The following RNF17 variants were observed in gnomAD, a reference collection of about 807,000 sequenced individuals.
The protein encoded by RNF17 is spermatogenesis associated 23.
A neutral mutation model predicts 200.5 loss-of-function variants in RNF17; 31 were observed. That is an observed-to-expected ratio of 0.15 (90% CI 0.12 to 0.21). The LOEUF (loss-of-function observed/expected upper bound fraction) is 0.21, where lower values mean the gene tolerates loss of function less well. Ranked by LOEUF, RNF17 falls within the 10% of genes least tolerant of loss-of-function variation. RNF17 has a pLI of 1.00. For missense variants in RNF17, 1,628 were observed against 1,905.1 expected, an observed-to-expected ratio of 0.85 and a Z score of 2.71; for synonymous variants, 606 against 637.8, an observed-to-expected ratio of 0.95 and a Z score of 0.75.
At chr13:24,789,811 T>C (rs781215818) in intron 9 of RNF17, 39 bp downstream of exon 9, 1 of 1,101,316 alleles carries the variant, frequency 9.1e-7, no homozygotes, top group Non-Finnish European at 1.4e-6. Context: ...CATTAGTGTC[T>C]GACAGTACTT....
At chr13:24,873,671 C>A (rs1001221019) in intron 32 of RNF17, among the ~76,000 whole-genome samples, 1 of 152,112 alleles carries the variant, frequency 6.6e-6, no homozygotes, top group African/African-American at 2.4e-5. Context: ...ATGTTTGTAC[C>A]TATCAACCAA....
rs1307353957 is a variant in RNF17 at position 24,766,496 on chromosome 13, G to A, written c.131-776G>A. Among the ~76,000 whole-genome samples, 10 of 152,352 alleles carry A rather than the reference G, an allele frequency of 6.6e-5. No homozygotes were observed. The East Asian group carries it at 1.9e-3, about 29-fold the overall frequency. ...TAAGTTTGTGAAAATGTGAGTTGTAGATATGTGATAATAGTAGCATCTGGC... is the reference window on the plus strand; with the variant it reads ...TAAGTTTGTGAAAATGTGAGTTGTAAATATGTGATAATAGTAGCATCTGGC... On this transcript the variant is annotated intron_variant, in intron 1 of 35. Coordinates refer to ENST00000255324, the MANE Select transcript of RNF17 (RefSeq NM_031277.3).
At chr13:24,875,037 T>A (rs1241254527) in intron 33 of RNF17, among the ~76,000 whole-genome samples, 4 of 152,206 alleles carry the variant, frequency 2.6e-5, no homozygotes, top group Non-Finnish European at 4.4e-5. Context: ...TAAGGCTGAA[T>A]AATATTCCTT....
At chr13:24,825,548 C>T in intron 15 of RNF17, 71 bp from the exon 16 acceptor site, 1 of 937,930 alleles carries the variant, frequency 1.1e-6, no homozygotes, top group Non-Finnish European at 1.6e-6. Context: ...AATGACAGTG[C>T]TTGTAATTCA....
In RNF17 at chr13:24,844,773, A is replaced by C. The variant is rs189776032; in HGVS notation, c.2953A>C (p.Ile985Leu). Residue 985 changes from isoleucine (I) to leucine (L), a missense_variant, in exon 21 of 36, where the codon ATC becomes CTC. Ile to Leu is a conservative substitution (Grantham distance 5). Around this residue, in one of 5 missense-constraint regions of RNF17, gnomAD observed 227 missense variants for 319.8 expected, o/e 0.71. Coordinates refer to ENST00000255324, the MANE Select transcript of RNF17 (RefSeq NM_031277.3). ...DKNQWRRGQI[I>L]RMVTDTLVEV... is the part of the protein sequence containing the mutation. ...AAATCAGTGGCGAAGAGGCCAGATC[A>C]TCAGAATGGTTACAGACACATTGGT... is the stretch of plus-strand genomic sequence containing the variant. 11 of 1,613,926 alleles carry C rather than the reference A, an allele frequency of 6.8e-6. No homozygotes were observed. The highest frequency in any genetic ancestry group is 7.6e-6 in the Non-Finnish European group (9 of 1,179,860).
At chr13:24,831,748 T>A (rs1307156754) in intron 17 of RNF17, 110 bp from the exon 18 acceptor site, 1 of 911,434 alleles carries the variant, frequency 1.1e-6, no homozygotes, top group African/African-American at 1.7e-5. Flanking sequence ...TTCTAATATG[T>A]ATGAAATTCA....
Position 24,859,040 on chromosome 13 carries a change from A to C in RNF17, c.3650A>C (p.Asn1217Thr). The C allele has an allele frequency of 6.2e-7, 1 of 1,602,064 alleles. No individual in the cohort carries two copies. The highest frequency in any genetic ancestry group is 1.1e-5 in the South Asian group (1 of 90,274). Residue 1217 changes from asparagine to threonine, a missense_variant, in exon 26 of 36, where the codon AAT (asparagine) becomes ACT (threonine). Asn to Thr is a moderately conservative substitution (Grantham distance 65). This residue lies in a region of RNF17 where 609 missense variants were observed against 681.9 expected (regional missense o/e 0.89). Transcript: ENST00000255324. ...LIKMTNEIQS[N>T]LKCLGLLEPY... ...AAAATGACAAATGAAATTCAAAGTAATTTAAAATGCCTTGGTCTTTTGGAG... is the reference window on the plus strand; with the variant it reads ...AAAATGACAAATGAAATTCAAAGTACTTTAAAATGCCTTGGTCTTTTGGAG...
At chr13:24,882,071 G>GATATATAGATACATCT, downstream of RNF17, among the ~76,000 whole-genome samples, 2 of 8,298 alleles carry the variant, frequency 2.4e-4, 1 homozygote, top group African/African-American at 6.1e-4. Context: ...CATCTATATA[G>GATATATAGATACATCT]ATATATAGAT....
rs538541277 is a variant in RNF17 at position 24,833,815 on chromosome 13, A to T, written c.2482+1837A>T. Among the ~76,000 whole-genome samples the T allele has an allele frequency of 1.4e-4, 22 of 152,366 alleles. No homozygotes were observed. The South Asian group carries it at 4.4e-3, about 30-fold the overall frequency. Reference sequence around the variant, plus strand: ...GTGAACTACCACAGCTGAGAACAGGAACCTGCCATTAATACGTGCTGTGTT... The same window carrying T: ...GTGAACTACCACAGCTGAGAACAGGTACCTGCCATTAATACGTGCTGTGTT... On this transcript the variant is annotated intron_variant, in intron 18 of 35. Transcript: ENST00000255324.
At chr13:24,842,014 C>T (rs574096174) in intron 18 of RNF17, 27 bp from the exon 19 acceptor site, 1 of 1,578,952 alleles carries the variant, frequency 6.3e-7, no homozygotes, top group South Asian at 1.2e-5. Flanking sequence ...ATATTTCTTT[C>T]CCCAAACTTT....
intron 18 of RNF17, among the ~76,000 whole-genome samples, chr13:24,833,192 C>A (rs139391898): frequency 1.3e-5 from 2 of 152,314 alleles, no homozygotes; most frequent in African/African-American, 4.8e-5. Flanking sequence ...GTAGTTTTTA[C>A]TGTGTCCATG....
intron 16 of RNF17, 190 bp downstream of exon 16, chr13:24,825,962 T>C (rs760355893): frequency 6.1e-6 from 6 of 984,850 alleles, no homozygotes; most frequent in Non-Finnish European, 7.2e-6. Context: ...TTGACTTGAC[T>C]AGAACTTAAC....
intron 17 of RNF17, 90 bp from the exon 18 acceptor site, chr13:24,831,768 A>T: frequency 9.0e-7 from 1 of 1,109,090 alleles, no homozygotes; most frequent in Non-Finnish European, 1.3e-6. Context: ...AAACATAAAG[A>T]TTAGTTTTGT....
intron 3 of RNF17, among the ~76,000 whole-genome samples, chr13:24,776,455 G>A (rs1391935884): frequency 6.6e-6 from 1 of 152,160 alleles, no homozygotes; most frequent in African/African-American, 2.4e-5. Context: ...GCTAAAGTCT[G>A]ACAGCTGGTT....
chr13:24,822,716 A>G (rs1888210425), intron 15 of RNF17, among the ~76,000 whole-genome samples: 1 of 152,138 alleles, frequency 6.6e-6, no homozygotes, highest in Non-Finnish European at 1.5e-5. Context: ...CACTGCACCC[A>G]GTCTCAGTAA....
At chr13:24,752,584 A>G in the RNF17 span, among the ~76,000 whole-genome samples, 1 of 152,206 alleles carries the variant, frequency 6.6e-6, no homozygotes, top group Non-Finnish European at 1.5e-5. Flanking sequence ...TATATACACA[A>G]AGGAATGTTC....
At position 24,874,148 on chromosome 13, in the gene RNF17, A is replaced by G. The variant is rs754104275; in HGVS notation, c.4482A>G (p.Leu1494=). The G allele has an allele frequency of 5.6e-6, 9 of 1,611,726 alleles. No individual in the cohort carries two copies. In the African/African-American group the frequency reaches 1.2e-4, roughly 22 times the overall value. ...MPCLAEYDDG[L]WYRAKIVAIK... is the part of the protein sequence containing the mutation. ...GCCTTGCAGAATATGATGATGGCTT[A>G]TGGTATAGAGCGAAGATTGTTGCCA... is the stretch of plus-strand genomic sequence containing the variant. Residue 1494 remains leucine, a synonymous_variant, in exon 33 of 36, where the codon TTA becomes TTG. Transcript: ENST00000255324.
At chr13:24,801,924 G>A (rs1337550676) in intron 13 of RNF17, among the ~76,000 whole-genome samples, 1 of 152,074 alleles carries the variant, frequency 6.6e-6, no homozygotes, top group African/African-American at 2.4e-5. Flanking sequence ...GTATATGCAC[G>A]TTGTACATTC....
chr13:24,874,070 TAATG>T, intron 32 of RNF17, 40 bp from the exon 33 acceptor site: 1 of 1,596,002 alleles, frequency 6.3e-7, no homozygotes, highest in Non-Finnish European at 8.5e-7. Flanking sequence ...TAAAAAAATT[TAATG>T]AAAGACAATA....
Sources: gnomAD v4.1 joint callset for allele counts (sites outside exome capture counted in the v4.1 genomes callset) on GRCh38, gnomAD v4.1.1 for gene constraint, gnomAD v4.1.1 regional missense constraint, MANE v1.5 for transcripts, NCBI Gene and HGNC (gene_info 2026-07-23, HGNC 2026-07-21) for gene names.